FSTL4: variants seen among roughly 807,000 people sequenced by gnomAD.
FSTL4 encodes the protein follistatin-related protein 4.
In FSTL4, 28 loss-of-function variants were observed where a neutral mutation model predicts 78.2. The observed-to-expected ratio is 0.36, with a 90% CI of 0.27 to 0.49. The LOEUF (loss-of-function observed/expected upper bound fraction) is 0.49, where lower values mean the gene tolerates loss of function less well. Ranked by LOEUF, FSTL4 falls within the 20% of genes least tolerant of loss-of-function variation. The pLI, the probability that FSTL4 is intolerant of heterozygous loss-of-function variation, is 0.98. For missense variants in FSTL4, 922 were observed against 1,084.9 expected (o/e 0.85, Z 2.11); for synonymous variants, 422 against 440.5 (o/e 0.96, Z 0.53).
At chr5:133,308,866 G>A (rs1753713068) in intron 6 of FSTL4, among the ~76,000 whole-genome samples, 1 of 152,072 alleles carries the variant, frequency 6.6e-6, no homozygotes, top group African/African-American at 2.4e-5. Context: ...GTGGTCACCG[G>A]ACCTTCACAC....
intron 4 of FSTL4, among the ~76,000 whole-genome samples, chr5:133,335,056 A>C (rs1460360557): frequency 1.3e-5 from 2 of 152,152 alleles, no homozygotes; most frequent in Admixed American, 1.3e-4. Flanking sequence ...CTACACAAAC[A>C]CTGTGAGCAA....
At chr5:133,617,036 C>T (rs564800120), upstream of FSTL4, among the ~76,000 whole-genome samples, 6 of 152,306 alleles carry the variant, frequency 3.9e-5, no homozygotes, top group Admixed American at 1.3e-4. Flanking sequence ...CATGTTGGCT[C>T]ATGCCTGTAA....
chr5:133,380,462 G>C (rs549171884), intron 4 of FSTL4, among the ~76,000 whole-genome samples: 1 of 152,120 alleles, frequency 6.6e-6, no homozygotes, highest in East Asian at 1.9e-4. Context: ...TTTGTAGAAA[G>C]ACACAGACTA....
chr5:133,641,274 A>AC, the FSTL4 span, among the ~76,000 whole-genome samples: 46,145 of 152,112 alleles, frequency 0.3, 7,490 homozygotes, highest in Non-Finnish European at 0.35. Context: ...AAAAACAAAA[A>AC]AAAACACGTA....
At chr5:133,673,572 C>A in the FSTL4 span, among the ~76,000 whole-genome samples, 3 of 152,234 alleles carry the variant, frequency 2.0e-5, no homozygotes, top group South Asian at 6.2e-4. Context: ...CTCACGATGC[C>A]TGCCAACCAT....
intron 4 of FSTL4, among the ~76,000 whole-genome samples, chr5:133,358,780 A>G (rs1755001584): frequency 6.6e-6 from 1 of 151,758 alleles, no homozygotes; most frequent in Non-Finnish European, 1.5e-5. Context: ...CTGTATTTTT[A>G]TTAGAGATGG....
chr5:133,219,096 A>C (rs74613364), intron 12 of FSTL4, among the ~76,000 whole-genome samples: 2,665 of 152,144 alleles, frequency 0.018, 72 homozygotes, highest in African/African-American at 0.061. Context: ...GGTTCCTCTT[A>C]GTCTGCCTGT....
At chr5:133,427,827 G>A (rs1367896576) in intron 3 of FSTL4, 9 of 389,398 alleles carry the variant, frequency 2.3e-5, no homozygotes, top group Admixed American at 2.0e-4. Flanking sequence ...ATCTGGCCAT[G>A]TGGCTCCAGA....
At chr5:133,713,584 C>T in the FSTL4 span, among the ~76,000 whole-genome samples, 1 of 152,174 alleles carries the variant, frequency 6.6e-6, no homozygotes, top group Admixed American at 6.5e-5. Context: ...AAGCTAGCTA[C>T]CAGACAGCTT....
At chr5:133,683,374 T>A in the FSTL4 span, among the ~76,000 whole-genome samples, 7 of 148,680 alleles carry the variant, frequency 4.7e-5, no homozygotes, top group Non-Finnish European at 7.3e-5. Flanking sequence ...GAGCTCACAT[T>A]TTCAATAACT....
rs921083693 is a variant in FSTL4, at chr5:133,236,237, T to A, written c.895-2700A>T. ...TCATCACCACCTGTGTGGTGGTGTTTAGTCATCAGCACCACCACATTCCTC... is the reference window on the plus strand; with the variant it reads ...TCATCACCACCTGTGTGGTGGTGTTAAGTCATCAGCACCACCACATTCCTC... On this transcript the variant is annotated intron_variant, in intron 7 of 15. Coordinates refer to ENST00000265342, the MANE Select transcript of FSTL4 (RefSeq NM_015082.2). The surrounding 1 kb of genome is among the most constrained non-coding windows in gnomAD (Gnocchi z 5.0). Among the ~76,000 whole-genome samples, 1 of 147,100 alleles carries A rather than the reference T, an allele frequency of 6.8e-6. No homozygotes were observed. Among genetic ancestry groups the A allele is most frequent in the Non-Finnish European group, 1.6e-5 (1 of 64,402 alleles).
chr5:133,232,215 A>C (rs1466802968), intron 8 of FSTL4, among the ~76,000 whole-genome samples: 1 of 152,174 alleles, frequency 6.6e-6, no homozygotes, highest in Non-Finnish European at 1.5e-5. Flanking sequence ...GGCAAGTTAT[A>C]CTAATAATTT....
At chr5:133,320,210 C>T (rs569434527) in intron 4 of FSTL4, among the ~76,000 whole-genome samples, 1 of 152,312 alleles carries the variant, frequency 6.6e-6, no homozygotes, top group South Asian at 2.1e-4. Context: ...CTCAGTCTCC[C>T]TGGATAGATT....
At chr5:133,203,696 A>T (rs760830412) in intron 14 of FSTL4, among the ~76,000 whole-genome samples, 1 of 152,234 alleles carries the variant, frequency 6.6e-6, no homozygotes, top group Non-Finnish European at 1.5e-5. Context: ...CTGAAAAGAA[A>T]ATGCCAGGGA....
At chr5:133,439,746 C>T (rs570712729) in intron 3 of FSTL4, among the ~76,000 whole-genome samples, 2 of 152,312 alleles carry the variant, frequency 1.3e-5, no homozygotes, top group East Asian at 3.9e-4. Flanking sequence ...TGCCTGACAG[C>T]GTGCAGGCTC....
chr5:133,199,482 C>T lies in FSTL4; in HGVS notation c.2142G>A (p.Gln714=), dbSNP rs1156443002. The change falls in exon 16 of 16, where the codon CAG becomes CAA. Residue 714 remains glutamine (Q), a synonymous_variant. Transcript: ENST00000265342. This position sits in a 1 kb window ranked among gnomAD's most constrained non-coding sequence, Gnocchi z 4.4. The part of the protein sequence containing the change: ...AAADSPWLHV[Q]EITVRGEIQT... ...GGATCTCGCCCCGCACTGTGATCTCCTGCACGTGCAGCCAGGGGCTGTCAG... is the reference window on the plus strand; with the variant it reads ...GGATCTCGCCCCGCACTGTGATCTCTTGCACGTGCAGCCAGGGGCTGTCAG... The T allele has an allele frequency of 1.2e-6, 2 of 1,614,132 alleles. No homozygotes were observed. The highest frequency in any genetic ancestry group is 1.3e-5 in the African/African-American group (1 of 74,952).
intron 3 of FSTL4, among the ~76,000 whole-genome samples, chr5:133,523,278 C>T (rs2112900183): frequency 6.6e-6 from 1 of 152,258 alleles, no homozygotes; most frequent in East Asian, 1.9e-4. Context: ...CCTCCAGGAC[C>T]GTGAGAAAAT....
chr5:133,634,750 T>C, the FSTL4 span, among the ~76,000 whole-genome samples: 2 of 152,176 alleles, frequency 1.3e-5, no homozygotes, highest in Non-Finnish European at 2.9e-5. Flanking sequence ...TTGTGATATG[T>C]CAGACATGTT....
chr5:133,432,527 C>CT (rs1439839263), intron 3 of FSTL4, among the ~76,000 whole-genome samples: 3 of 152,330 alleles, frequency 2.0e-5, no homozygotes, highest in Admixed American at 6.5e-5. Context: ...TGCTATGAGA[C>CT]TTGAGCCAGG....
Sources: allele counts gnomAD v4.1 joint callset (sites outside exome capture counted in the v4.1 genomes callset), GRCh38; gene constraint gnomAD v4.1.1; non-coding constraint Gnocchi (gnomAD v3.1); transcripts MANE v1.5; gene names NCBI Gene and HGNC (gene_info 2026-07-23, HGNC 2026-07-21).